The following WASHC4 variants were observed in gnomAD, a reference collection of about 807,000 sequenced individuals.
WASHC4 encodes WASH complex subunit 4.
WASHC4 carries 86 observed loss-of-function variants against 166.6 expected under a neutral mutation model. The observed-to-expected ratio is 0.52, with a 90% CI of 0.43 to 0.62. WASHC4 has a LOEUF of 0.62. Ranked by LOEUF, WASHC4 falls within the 20% of genes least tolerant of loss-of-function variation. The probability of loss-of-function intolerance (pLI) is 0.00; values close to 1 mark genes in which losing one functional copy is unlikely to be tolerated. For missense variants in WASHC4, 1,262 were observed against 1,382.4 expected (o/e 0.91, Z 1.38); for synonymous variants, 446 against 451.6 (o/e 0.99, Z 0.16).
intron 14 of WASHC4, among the ~76,000 whole-genome samples, chr12:105,137,682 C>T (rs1288861469): frequency 2.0e-5 from 3 of 152,054 alleles, no homozygotes; most frequent in African/African-American, 7.2e-5. Context: ...GATAAATAAA[C>T]GGTTAGGGCT....
At chr12:105,145,275 C>G (rs1883198168) in intron 22 of WASHC4, among the ~76,000 whole-genome samples, 2 of 151,890 alleles carry the variant, frequency 1.3e-5, no homozygotes, top group Admixed American at 1.3e-4. Flanking sequence ...TACATGATTA[C>G]AAATGTGTTT....
At chr12:105,129,235 C>T (rs1566005298) in intron 13 of WASHC4, among the ~76,000 whole-genome samples, 3 of 152,086 alleles carry the variant, frequency 2.0e-5, no homozygotes, top group South Asian at 4.2e-4. Context: ...TGAGCCACCG[C>T]GCCAACGCCT....
At chr12:105,151,423 C>G (rs540956083) in intron 25 of WASHC4, among the ~76,000 whole-genome samples, 2 of 152,116 alleles carry the variant, frequency 1.3e-5, no homozygotes, top group South Asian at 2.1e-4. Context: ...CAAAATATTA[C>G]TTTCTCATAG....
At chr12:105,149,569 A>AT (rs1408262385) in intron 24 of WASHC4, 46 bp from the exon 25 acceptor site, 1 of 1,226,356 alleles carries the variant, frequency 8.2e-7, no homozygotes, top group Non-Finnish European at 1.2e-6. Context: ...ATTTGAATTA[A>AT]TTTTTATATT....
chr12:105,130,268 C>T (rs1036850966), intron 13 of WASHC4, among the ~76,000 whole-genome samples: 1 of 152,170 alleles, frequency 6.6e-6, no homozygotes, highest in African/African-American at 2.4e-5. Flanking sequence ...CAAACCAGTG[C>T]CAATCCTATT....
intron 24 of WASHC4, chr12:105,148,089 C>G: frequency 1.0e-6 from 1 of 985,204 alleles, no homozygotes; most frequent in Non-Finnish European, 1.2e-6. Context: ...TTATTAAACA[C>G]ATTTGGAGTA....
At chr12:105,136,477 A>G (rs796168393) in intron 14 of WASHC4, among the ~76,000 whole-genome samples, 8 of 152,196 alleles carry the variant, frequency 5.3e-5, no homozygotes, top group African/African-American at 1.7e-4. Flanking sequence ...TTATTCTATC[A>G]TTAACTAATA....
At chr12:105,139,576 T>C (rs1882641037) in intron 15 of WASHC4, among the ~76,000 whole-genome samples, 1 of 151,452 alleles carries the variant, frequency 6.6e-6, no homozygotes, top group African/African-American at 2.4e-5. Context: ...ATTGGTTTTA[T>C]GATTTTTAAT....
chr12:105,157,102 A>G (rs1359925607), intron 27 of WASHC4, 134 bp from the exon 28 acceptor site: 7 of 643,976 alleles, frequency 1.1e-5, no homozygotes, highest in East Asian at 5.5e-5. Flanking sequence ...GATATGAATA[A>G]TATTACTGAA....
Position 105,131,346 on chromosome 12 carries a change from A to G in WASHC4, c.1200-2424A>G, listed in dbSNP as rs572805773. On this transcript the variant is annotated intron_variant, in intron 13 of 32. Coordinates refer to ENST00000332180, the MANE Select transcript of WASHC4 (RefSeq NM_015275.3). ...CATGATCCACCCGCCTCGGCCTCCC[A>G]AAGTGCTGGGATTACAGGCGTGAGC... 5.3e-5 allele frequency among the ~76,000 whole-genome samples: 8 copies of G among 151,108 alleles called. No individual in the cohort carries two copies. The South Asian group carries it at 1.7e-3, about 32-fold the overall frequency.
intron 9 of WASHC4, 30 bp from the exon 10 acceptor site, chr12:105,122,088 T>G: frequency 1.3e-6 from 2 of 1,516,664 alleles, no homozygotes; most frequent in Non-Finnish European, 1.8e-6. Context: ...ATTAGGTAGA[T>G]TTAAGATGTT....
chr12:105,130,858 A>G (rs1280628831), intron 13 of WASHC4, among the ~76,000 whole-genome samples: 2 of 152,180 alleles, frequency 1.3e-5, no homozygotes, highest in Non-Finnish European at 2.9e-5. Flanking sequence ...AGAGGTCTGA[A>G]TCTTTGTTTC....
chr12:105,138,412 C>A (rs1014461383), intron 15 of WASHC4, among the ~76,000 whole-genome samples: 23 of 149,982 alleles, frequency 1.5e-4, no homozygotes, highest in African/African-American at 4.9e-4. Flanking sequence ...TGTTTACATG[C>A]GTATGAGGTT....
At chr12:105,144,033 T>C (rs1883089028) in intron 20 of WASHC4, among the ~76,000 whole-genome samples, 1 of 151,968 alleles carries the variant, frequency 6.6e-6, no homozygotes, top group Admixed American at 6.6e-5. Flanking sequence ...TCCTCCTTTG[T>C]TGCTGGTTTC....
intron 13 of WASHC4, among the ~76,000 whole-genome samples, chr12:105,132,787 A>AGTGTGTGTGTGT (rs58569487): frequency 4.2e-5 from 6 of 142,536 alleles, no homozygotes; most frequent in East Asian, 4.3e-4. Flanking sequence ...TGAAAGAGGT[A>AGTGTGTGTGTGT]GTGTGTGTGT....
chr12:105,139,955 C>T (rs575336685), intron 15 of WASHC4, among the ~76,000 whole-genome samples: 1 of 151,382 alleles, frequency 6.6e-6, no homozygotes, highest in East Asian at 1.9e-4. Flanking sequence ...GCCATCTCGG[C>T]TCACCTCAAC....
Position 105,140,418 on chromosome 12 carries a change from G to A in WASHC4, c.1560+17G>A. ...GTGGCCAAGGTATGCAGCTTATTAT[G>A]TATTTAGCATAAGTATGTTATCTTT... On this transcript the variant is annotated intron_variant, in intron 16 of 32. Transcript: ENST00000332180. 1 of 1,508,106 alleles carries A rather than the reference G, an allele frequency of 6.6e-7. No individual in the cohort carries two copies. The highest frequency in any genetic ancestry group is 9.2e-7 in the Non-Finnish European group (1 of 1,083,540). The allele number at this position is 1,508,106 out of a possible 1,614,324, so 93.4% of individuals were successfully genotyped here.
At position 105,140,972 on chromosome 12, in the gene WASHC4, A is replaced by G; in HGVS notation, c.1634A>G (p.Asn545Ser). 1.2e-6 allele frequency: 2 copies of G among 1,614,144 alleles called. 1 individual carries two copies. The highest frequency in any genetic ancestry group is 1.7e-6 in the Non-Finnish European group (2 of 1,180,010). Residue 545 changes from asparagine (N) to serine (S), a missense_variant, in exon 17 of 33, where the codon AAC (asparagine) becomes AGC (serine). Asn to Ser is a conservative substitution (Grantham distance 46). Transcript: ENST00000332180. ...DVLSALVLAE[N>S]TLNGPSTKQR... ...CTCTCTGCTCTAGTTTTGGCTGAAA[A>G]CACTCTAAATGGACCAAGCACAAAG...
Position 105,143,236 on chromosome 12 carries a change from T to A in WASHC4, c.2003T>A (p.Leu668Ter). 2 of 1,481,140 alleles carry A rather than the reference T, an allele frequency of 1.4e-6. No homozygotes were observed. The highest frequency in any genetic ancestry group is 9.4e-7 in the Non-Finnish European group (1 of 1,059,338). The allele number at this position is 1,481,140 out of a possible 1,614,324, so 91.7% of individuals were successfully genotyped here. Residue 668 changes from leucine (L) to a stop codon, truncating the protein, a stop_gained, in exon 20 of 33, where the codon TTA (leucine) becomes TAA (stop). Coordinates refer to ENST00000332180, the MANE Select transcript of WASHC4 (RefSeq NM_015275.3). LOFTEE classifies it high-confidence loss of function. ...DCYDKEIMEI[L>*]NEHLLDKLCK... ...TATGACAAGGAAATTATGGAAATTT[T>A]AAATGAGGTAACATCATATTTGAGA...
Sources: allele counts gnomAD v4.1 joint callset (sites outside exome capture counted in the v4.1 genomes callset), GRCh38; gene constraint gnomAD v4.1.1; transcripts MANE v1.5; gene names NCBI Gene and HGNC (gene_info 2026-07-23, HGNC 2026-07-21).